UBE2E2: variants seen among roughly 807,000 people sequenced by gnomAD.
UBE2E2 encodes the protein ubiquitin conjugating enzyme E2 E2.
A neutral mutation model predicts 24.7 loss-of-function variants in UBE2E2; 6 were observed. The ratio of observed to expected loss-of-function variants is 0.24; its 90% confidence interval spans 0.13 to 0.48. The LOEUF (loss-of-function observed/expected upper bound fraction) is 0.48. Ranked by LOEUF, UBE2E2 falls within the 20% of genes least tolerant of loss-of-function variation. The pLI, the probability that UBE2E2 is intolerant of heterozygous loss-of-function variation, is 0.99. For synonymous variants in UBE2E2, 104 were observed against 83.6 expected (o/e 1.24, Z -1.33); for missense variants, 169 against 245.0 (o/e 0.69, Z 2.07).
chr3:23,225,423 G>T (rs993605030), intron 3 of UBE2E2, among the ~76,000 whole-genome samples: 14 of 152,086 alleles, frequency 9.2e-5, no homozygotes, highest in African/African-American at 2.9e-4. Context: ...GAATTTTACA[G>T]TTTTAGCTTT....
chr3:23,588,851 A>G (rs1396436036), intron 5 of UBE2E2, among the ~76,000 whole-genome samples: 4 of 152,202 alleles, frequency 2.6e-5, no homozygotes, highest in African/African-American at 9.7e-5. Flanking sequence ...AGTGTTAGCT[A>G]TTATTAACAT....
At chr3:23,549,703 T>G (rs902130804) in intron 5 of UBE2E2, among the ~76,000 whole-genome samples, 1 of 84,568 alleles carries the variant, frequency 1.2e-5, no homozygotes, top group Non-Finnish European at 2.3e-5. Context: ...ATATTAGCTG[T>G]GTTAGGTGTG....
intron 5 of UBE2E2, among the ~76,000 whole-genome samples, chr3:23,532,914 A>C (rs1314426503): frequency 6.6e-6 from 1 of 152,196 alleles, no homozygotes; most frequent in East Asian, 1.9e-4. Flanking sequence ...GAAAAAGTAT[A>C]GTGTGGTAAA....
chr3:23,223,642 T>A (rs1696730189), intron 3 of UBE2E2, among the ~76,000 whole-genome samples: 1 of 151,932 alleles, frequency 6.6e-6, no homozygotes, highest in African/African-American at 2.4e-5. Flanking sequence ...TTCACTTTGT[T>A]GATTGTTTCC....
intron 3 of UBE2E2, among the ~76,000 whole-genome samples, chr3:23,458,164 T>A (rs1479493307): frequency 1.3e-5 from 2 of 152,082 alleles, no homozygotes; most frequent in Non-Finnish European, 2.9e-5. Context: ...GAGATGTGAT[T>A]CTTCCTTTCA....
intron 5 of UBE2E2, among the ~76,000 whole-genome samples, chr3:23,533,930 A>G (rs1038709511): frequency 6.6e-6 from 1 of 152,112 alleles, no homozygotes; most frequent in African/African-American, 2.4e-5. Flanking sequence ...CTGCCCAAAA[A>G]ATAAAATTGT....
Position 23,490,284 on chromosome 3 carries a change from T to G in UBE2E2, c.228-9324T>G, listed in dbSNP as rs151315337. 1.9e-3 allele frequency among the ~76,000 whole-genome samples: 296 copies of G among 152,324 alleles called. 1 individual carries two copies. Among genetic ancestry groups the G allele is most frequent in the African/African-American group, 6.8e-3 (283 of 41,574 alleles). On this transcript the variant is annotated intron_variant, in intron 3 of 5. Transcript: ENST00000396703. The stretch of plus-strand genomic sequence containing the variant: ...TTTGAAAATTTTAAATCTGAAAAAC[T>G]TCTGGTCCCAAGCATTTCAGATAAG...
chr3:23,299,290 C>G (rs1303805141), intron 3 of UBE2E2, among the ~76,000 whole-genome samples: 2 of 152,044 alleles, frequency 1.3e-5, no homozygotes, highest in East Asian at 3.9e-4. Flanking sequence ...TCCTTCAGTT[C>G]TGCTCTGATT....
intron 3 of UBE2E2, among the ~76,000 whole-genome samples, chr3:23,270,157 T>C (rs1482297856): frequency 3.5e-5 from 5 of 144,886 alleles, no homozygotes; most frequent in Non-Finnish European, 4.6e-5. Flanking sequence ...TCCTCCTTTT[T>C]TTTTTTTTTT....
At chr3:23,334,994 T>C (rs1326588555) in intron 3 of UBE2E2, among the ~76,000 whole-genome samples, 1 of 152,238 alleles carries the variant, frequency 6.6e-6, no homozygotes, top group Non-Finnish European at 1.5e-5. Context: ...AAGGAAACTT[T>C]TGAGCCTTAA....
At chr3:23,440,453 A>T (rs1698280452) in intron 3 of UBE2E2, among the ~76,000 whole-genome samples, 1 of 152,174 alleles carries the variant, frequency 6.6e-6, no homozygotes, top group Non-Finnish European at 1.5e-5. Context: ...TAAAATACTG[A>T]CCTGCATTAT....
At chr3:23,445,772 T>A (rs1698415042) in intron 3 of UBE2E2, among the ~76,000 whole-genome samples, 1 of 152,208 alleles carries the variant, frequency 6.6e-6, no homozygotes, top group Non-Finnish European at 1.5e-5. Flanking sequence ...TCTGCCCGTC[T>A]TGCTACTCAG....
At chr3:23,257,098 G>A (rs1697746486) in intron 3 of UBE2E2, among the ~76,000 whole-genome samples, 1 of 152,174 alleles carries the variant, frequency 6.6e-6, no homozygotes. Flanking sequence ...TCTCTGGATG[G>A]ATGTAGCTTG....
intron 3 of UBE2E2, among the ~76,000 whole-genome samples, chr3:23,462,366 G>A (rs559082141): frequency 1.7e-4 from 26 of 152,226 alleles, no homozygotes; most frequent in East Asian, 3.9e-4. Flanking sequence ...ATGTGGTAAC[G>A]GATTTTAGAA....
intron 3 of UBE2E2, among the ~76,000 whole-genome samples, chr3:23,275,230 G>C (rs1436849449): frequency 1.3e-5 from 2 of 152,200 alleles, no homozygotes; most frequent in Non-Finnish European, 2.9e-5. Context: ...CACAGGGTGA[G>C]AGAAGCGGTG....
Position 23,473,837 on chromosome 3 carries a change from C to T in UBE2E2, c.228-25771C>T, listed in dbSNP as rs138847760. ...CATTTGGGTTGGTTCCACATTTTTG[C>T]AATTCCAAATTGTGCAGCTATAAAC... On this transcript the variant is annotated intron_variant, in intron 3 of 5. Coordinates refer to ENST00000396703, the MANE Select transcript of UBE2E2 (RefSeq NM_152653.4). Among the ~76,000 whole-genome samples the T allele has an allele frequency of 2.2e-3, 342 of 152,212 alleles. 5 individuals carry two copies. The highest frequency in any genetic ancestry group is 7.9e-3 in the African/African-American group (326 of 41,464).
intron 3 of UBE2E2, among the ~76,000 whole-genome samples, chr3:23,291,584 T>C (rs764166362): frequency 4.6e-5 from 7 of 152,024 alleles, no homozygotes; most frequent in Admixed American, 6.6e-5. Context: ...TTTAGCAGTC[T>C]AGGGCAGTGG....
At chr3:23,586,340 G>A (rs568647374) in intron 5 of UBE2E2, among the ~76,000 whole-genome samples, 1 of 152,228 alleles carries the variant, frequency 6.6e-6, no homozygotes, top group East Asian at 1.9e-4. Context: ...TGTCACCCAG[G>A]CTGGAGTGTG....
chr3:23,425,487 T>C (rs887900305), intron 3 of UBE2E2, among the ~76,000 whole-genome samples: 1 of 152,042 alleles, frequency 6.6e-6, no homozygotes, highest in Non-Finnish European at 1.5e-5. Flanking sequence ...AATAAACAGG[T>C]TAAAAAGCTG....
Sources: gnomAD v4.1 joint callset for allele counts (sites outside exome capture counted in the v4.1 genomes callset) on GRCh38, gnomAD v4.1.1 for gene constraint, MANE v1.5 for transcripts, NCBI Gene and HGNC (gene_info 2026-07-23, HGNC 2026-07-21) for gene names.